Variants in PPFIA1 observed in about 807,000 individuals in gnomAD.
The protein encoded by PPFIA1 is liprin-alpha-1.
Under a neutral mutation model 149.9 loss-of-function variants are expected in PPFIA1, and 25 were observed. That is an observed-to-expected ratio of 0.17 (90% CI 0.12 to 0.23). The LOEUF (loss-of-function observed/expected upper bound fraction) is 0.23. PPFIA1 is among the 10% of genes least tolerant of loss of function. The pLI, the probability that PPFIA1 is intolerant of heterozygous loss-of-function variation, is 1.00. For missense variants in PPFIA1, 1,362 were observed against 1,506.5 expected, an observed-to-expected ratio of 0.90 and a Z score of 1.59; for synonymous variants, 549 against 552.8, an observed-to-expected ratio of 0.99 and a Z score of 0.10.
In PPFIA1 at chr11:70,304,586, G is replaced by A. The variant is rs144753663; in HGVS notation, c.265-19816G>A. Among the ~76,000 whole-genome samples the A allele has an allele frequency of 1.5e-3, 224 of 152,302 alleles. 2 individuals are homozygous for A. In the Middle Eastern group the frequency reaches 0.017, roughly 12 times the overall value. On this transcript the variant is annotated intron_variant, in intron 2 of 27. Coordinates refer to ENST00000253925, the MANE Select transcript of PPFIA1 (RefSeq NM_003626.5). ...GGTATCATGGGAACCCTGATTCATAGCTGGTTGGTCAGAAGCACAGGTCAC... is the reference window on the plus strand; with the variant it reads ...GGTATCATGGGAACCCTGATTCATAACTGGTTGGTCAGAAGCACAGGTCAC...
intron 2 of PPFIA1, chr11:70,279,001 G>A (rs1235497310): frequency 1.8e-6 from 1 of 558,432 alleles, no homozygotes; most frequent in Non-Finnish European, 3.4e-6. Context: ...GACTTGAAGA[G>A]AGAGCCCAAT....
intron 21 of PPFIA1, chr11:70,364,977 A>G (rs1302943874): frequency 1.2e-5 from 2 of 164,604 alleles, no homozygotes; most frequent in African/African-American, 4.8e-5. Context: ...GTCACGGAAC[A>G]TCTGCGAGAA....
chr11:70,316,949 AT>A (rs2053668762), intron 2 of PPFIA1, among the ~76,000 whole-genome samples: 6 of 152,224 alleles, frequency 3.9e-5, no homozygotes, highest in Admixed American at 3.9e-4. Context: ...TCTTTAGCTG[AT>A]TTTAGTGTTA....
Position 70,335,623 on chromosome 11 carries a change from A to G in PPFIA1, c.1357A>G (p.Lys453Glu), listed in dbSNP as rs2054924984. Residue 453 changes from lysine to glutamate, a missense_variant, in exon 11 of 28, where the codon AAG becomes GAG. By Grantham distance (56) the Lys-to-Glu change is moderately conservative. Transcript: ENST00000253925. ...TAAACGTTTATCAGACACTGTTGACAAGCTGCTTTCAGAATCTAATGAGAG... is the reference window on the plus strand; with the variant it reads ...TAAACGTTTATCAGACACTGTTGACGAGCTGCTTTCAGAATCTAATGAGAG... ...HNKRLSDTVD[K>E]LLSESNERLQ... 2 of 1,614,062 alleles carry G rather than the reference A, an allele frequency of 1.2e-6. No homozygotes were observed. Among genetic ancestry groups the G allele is most frequent in the Non-Finnish European group, 1.7e-6 (2 of 1,179,944 alleles).
intron 16 of PPFIA1, among the ~76,000 whole-genome samples, chr11:70,352,221 G>C (rs1276074739): frequency 6.6e-6 from 1 of 152,134 alleles, no homozygotes; most frequent in Admixed American, 6.5e-5. Flanking sequence ...ATGAGTTTGT[G>C]ACCTGGAGTC....
chr11:70,286,345 G>A (rs954944049), intron 2 of PPFIA1, among the ~76,000 whole-genome samples: 2 of 152,100 alleles, frequency 1.3e-5, no homozygotes, highest in East Asian at 1.9e-4. Context: ...TCTGCCTCCC[G>A]GGTTCAAGCG....
Position 70,372,396 on chromosome 11 carries a change from T to G in PPFIA1, c.3041+6T>G. ...ATGGTCGACAGTTTTCACAGGTAAC[T>G]TAATGGAGATAGTTCTTAATAATTG... On this transcript the variant is annotated splice_donor_region_variant and intron_variant, in intron 22 of 27. Coordinates refer to ENST00000253925, the MANE Select transcript of PPFIA1 (RefSeq NM_003626.5). 3 of 1,614,114 alleles carry G rather than the reference T, an allele frequency of 1.9e-6. No individual in the cohort carries two copies. Among genetic ancestry groups the G allele is most frequent in the Non-Finnish European group, 2.5e-6 (3 of 1,179,966 alleles).
intron 2 of PPFIA1, among the ~76,000 whole-genome samples, chr11:70,296,051 G>A (rs981167311): frequency 2.0e-5 from 3 of 151,584 alleles, no homozygotes; most frequent in South Asian, 2.1e-4. Flanking sequence ...ACGGGGCGTC[G>A]GGGCAAAGGC....
At chr11:70,325,408 C>T in intron 4 of PPFIA1, 92 bp from the exon 5 acceptor site, 1 of 725,808 alleles carries the variant, frequency 1.4e-6, no homozygotes, top group Non-Finnish European at 2.3e-6. Context: ...CTAATATATA[C>T]ATTAAGTGTA....
intron 2 of PPFIA1, among the ~76,000 whole-genome samples, chr11:70,290,138 G>A (rs1386018435): frequency 6.6e-6 from 1 of 152,114 alleles, no homozygotes; most frequent in Non-Finnish European, 1.5e-5. Context: ...GCTGAGGCAC[G>A]AGAATCGCTT....
At chr11:70,280,256 ATATG>A (rs2050675338) in intron 2 of PPFIA1, among the ~76,000 whole-genome samples, 1 of 143,598 alleles carries the variant, frequency 7.0e-6, no homozygotes, top group African/African-American at 2.9e-5. Context: ...ATATAAATAT[ATATG>A]TATATAAAAA....
At chr11:70,381,548 A>T (rs1183541578) in intron 26 of PPFIA1, among the ~76,000 whole-genome samples, 1 of 152,128 alleles carries the variant, frequency 6.6e-6, no homozygotes, top group Non-Finnish European at 1.5e-5. Context: ...CCTCCCCAGG[A>T]GAAAAGGGCA....
intron 2 of PPFIA1, among the ~76,000 whole-genome samples, chr11:70,292,736 A>G (rs1326036921): frequency 1.3e-5 from 2 of 152,118 alleles, no homozygotes; most frequent in African/African-American, 2.4e-5. Context: ...CATTTTCTAG[A>G]TGAAGAAATT....
rs748299324 is a variant in PPFIA1, at chr11:70,375,038, C to T, written c.3260C>T (p.Thr1087Ile). ...VHGALLALDE[T>I]FDFSALALLL... ...GGAGCACTTCTGGCCTTAGATGAAA[C>T]CTTCGACTTCAGTGCACTGGCACTG... is the stretch of plus-strand genomic sequence containing the variant. Residue 1087 changes from threonine (T) to isoleucine (I), a missense_variant, in exon 24 of 28, where the codon ACC becomes ATC. This residue lies in a region of PPFIA1 where 349 missense variants were observed against 373.3 expected (regional missense o/e 0.93). Transcript: ENST00000253925. 2.5e-6 allele frequency: 4 copies of T among 1,613,754 alleles called. No individual in the cohort carries two copies. The highest frequency in any genetic ancestry group is 2.5e-6 in the Non-Finnish European group (3 of 1,179,934).
intron 19 of PPFIA1, among the ~76,000 whole-genome samples, chr11:70,360,918 CCTT>C (rs1282127147): frequency 6.6e-6 from 1 of 152,224 alleles, no homozygotes; most frequent in Non-Finnish European, 1.5e-5. Flanking sequence ...TACAATGACA[CCTT>C]CTCTCTGAGA....
chr11:70,360,666 A>G (rs1471857447), intron 19 of PPFIA1, among the ~76,000 whole-genome samples: 4 of 152,268 alleles, frequency 2.6e-5, no homozygotes. Flanking sequence ...GGCGCCATGC[A>G]GCGCGCCCTT....
intron 19 of PPFIA1, among the ~76,000 whole-genome samples, chr11:70,361,363 A>G (rs1334015521): frequency 6.6e-6 from 1 of 152,136 alleles, no homozygotes. Flanking sequence ...ACTTCAAATC[A>G]TCTCTAGGTT....
chr11:70,366,376 C>T (rs1262583464), intron 21 of PPFIA1, among the ~76,000 whole-genome samples: 1 of 152,186 alleles, frequency 6.6e-6, no homozygotes, highest in African/African-American at 2.4e-5. Flanking sequence ...AATGACTTTT[C>T]CTCTGTGCCT....
intron 21 of PPFIA1, chr11:70,371,399 A>G (rs10898967): frequency 7.1e-4 from 6 of 8,398 alleles, no homozygotes; most frequent in African/African-American, 1.0e-3. Context: ...TGTTTGGTGG[A>G]TTGTTCTATA....
Sources: allele counts gnomAD v4.1 joint callset (sites outside exome capture counted in the v4.1 genomes callset), GRCh38; gene constraint gnomAD v4.1.1; regional missense constraint gnomAD v4.1.1; transcripts MANE v1.5; gene names NCBI Gene and HGNC (gene_info 2026-07-23, HGNC 2026-07-21).